Variants in MMP26 observed in about 807,000 individuals in gnomAD.
MMP26 encodes the protein matrix metalloproteinase-26.
A neutral mutation model predicts 31.0 loss-of-function variants in MMP26; 33 were observed. The ratio of observed to expected loss-of-function variants is 1.06; its 90% confidence interval spans 0.81 to 1.42. The LOEUF (loss-of-function observed/expected upper bound fraction) is 1.42, where lower values mean the gene tolerates loss of function less well. MMP26 is among the 40% of genes most tolerant of loss of function. The probability of loss-of-function intolerance (pLI) is 0.00; values close to 1 mark genes in which losing one functional copy is unlikely to be tolerated. For synonymous variants in MMP26, 122 were observed against 114.9 expected, an observed-to-expected ratio of 1.06 and a Z score of -0.40; for missense variants, 347 against 316.1, an observed-to-expected ratio of 1.10 and a Z score of -0.74.
intron 2 of MMP26, chr11:4,955,864 A>C (rs1846436128): frequency 1.6e-6 from 1 of 619,786 alleles, no homozygotes; most frequent in Non-Finnish European, 2.9e-6. Context: ...TTCTTTTGAG[A>C]GAACAAAGCA....
chr11:4,935,579 G>T (rs1589944180), intron 2 of MMP26, among the ~76,000 whole-genome samples: 1 of 151,952 alleles, frequency 6.6e-6, no homozygotes, highest in Admixed American at 6.6e-5. Context: ...TCCTTCTCCT[G>T]CCTAATTGCC....
intron 2 of MMP26, among the ~76,000 whole-genome samples, chr11:4,893,089 A>G (rs1462548484): frequency 6.6e-6 from 1 of 152,058 alleles, no homozygotes; most frequent in East Asian, 1.9e-4. Context: ...CCATTGTCAA[A>G]GTCATGTTTA....
intron 2 of MMP26, among the ~76,000 whole-genome samples, chr11:4,983,326 G>C (rs926848398): frequency 1.3e-5 from 2 of 152,052 alleles, no homozygotes; most frequent in Non-Finnish European, 2.9e-5. Context: ...CTATGGTATT[G>C]CGGTGAAAGC....
At position 4,974,003 on chromosome 11, in the gene MMP26, G is replaced by GTGTC. The variant is rs1846702244; in HGVS notation, c.-144-14064_-144-14063insGTCT. On this transcript the variant is annotated intron_variant, in intron 2 of 7. Coordinates refer to ENST00000380390, the MANE Select transcript of MMP26 (RefSeq NM_021801.5). Reference sequence around the variant, plus strand: ...ACTCATTGAGGTCTTACAACACCAGGTATATAGACATAATTCTTAGACACA... The same window carrying GTGTC: ...ACTCATTGAGGTCTTACAACACCAGGTGTCTATATAGACATAATTCTTAGACACA... The GTGTC allele has an allele frequency of 2.0e-5, 3 of 151,770 alleles. No individual in the cohort carries two copies. The South Asian group carries it at 6.2e-4, about 31-fold the overall frequency. 9.4% of individuals were successfully genotyped at this position (151,770 alleles called of 1,614,324 possible).
chr11:4,789,180 C>T (rs139262430), intron 2 of MMP26, among the ~76,000 whole-genome samples: 1 of 152,242 alleles, frequency 6.6e-6, no homozygotes, highest in Non-Finnish European at 1.5e-5. Flanking sequence ...ATATATGTAA[C>T]TGAGGTTAGA....
intron 2 of MMP26, chr11:4,787,380 CG>C (rs1848962489): frequency 6.6e-6 from 1 of 152,222 alleles, no homozygotes; most frequent in Non-Finnish European, 1.5e-5. Flanking sequence ...TTCTGGTCAC[CG>C]GGGTTGGTAC....
At chr11:4,944,310 C>T (rs941306123) in intron 2 of MMP26, 4 of 174,594 alleles carry the variant, frequency 2.3e-5, no homozygotes, top group African/African-American at 9.6e-5. Flanking sequence ...TTTTGACTTC[C>T]TCTCTGTGTG....
intron 2 of MMP26, among the ~76,000 whole-genome samples, chr11:4,977,275 TG>T (rs570422759): frequency 1.7e-3 from 265 of 152,176 alleles, no homozygotes; most frequent in Middle Eastern, 0.01. Flanking sequence ...AAAAAGGAAA[TG>T]GAACTAGTGG....
At chr11:4,724,315 C>G (rs533861655) in intron 1 of MMP26, 1 of 310,202 alleles carries the variant, frequency 3.2e-6, no homozygotes, top group East Asian at 4.9e-5. Context: ...CTCTTCAGGG[C>G]CTGAAAACAG....
chr11:4,843,057 C>T (rs572074713), intron 2 of MMP26, among the ~76,000 whole-genome samples: 5 of 152,306 alleles, frequency 3.3e-5, no homozygotes, highest in East Asian at 3.9e-4. Context: ...TGATGCAAGG[C>T]GTGGCCTCTC....
chr11:4,837,374 T>C (rs1212303125), intron 2 of MMP26, among the ~76,000 whole-genome samples: 1 of 152,134 alleles, frequency 6.6e-6, no homozygotes, highest in African/African-American at 2.4e-5. Flanking sequence ...TGAATGCCTA[T>C]TTATTTTTTA....
chr11:4,987,797 T>C (rs1423004287), intron 2 of MMP26, among the ~76,000 whole-genome samples: 1 of 152,176 alleles, frequency 6.6e-6, no homozygotes, highest in Non-Finnish European at 1.5e-5. Context: ...TATTCTTTTT[T>C]CTCTTTTTAG....
At chr11:4,812,501 G>A (rs975826560) in intron 2 of MMP26, among the ~76,000 whole-genome samples, 4 of 152,018 alleles carry the variant, frequency 2.6e-5, no homozygotes, top group Admixed American at 2.0e-4. Flanking sequence ...TGATTCAAGG[G>A]GAAAAGTAGG....
intron 1 of MMP26, among the ~76,000 whole-genome samples, chr11:4,713,799 G>T (rs1043978704): frequency 6.6e-6 from 1 of 151,978 alleles, no homozygotes; most frequent in African/African-American, 2.4e-5. Context: ...CGATCTGGTG[G>T]GTTTTTTTGG....
chr11:4,743,535 T>C (rs558755042), intron 1 of MMP26, among the ~76,000 whole-genome samples: 1 of 152,214 alleles, frequency 6.6e-6, no homozygotes, highest in African/African-American at 2.4e-5. Context: ...CAGCCTGGCA[T>C]GAATGTCCTA....
At chr11:4,903,841 T>C (rs1455171461) in intron 2 of MMP26, 2 of 152,092 alleles carry the variant, frequency 1.3e-5, no homozygotes, top group Non-Finnish European at 2.9e-5. Flanking sequence ...AACCTAAATC[T>C]AAGGTTTGTT....
At chr11:4,873,009 T>C (rs936638378) in intron 2 of MMP26, among the ~76,000 whole-genome samples, 1 of 152,154 alleles carries the variant, frequency 6.6e-6, no homozygotes, top group Non-Finnish European at 1.5e-5. Context: ...TGTTCTTTGC[T>C]AAAGGGTCTT....
At chr11:4,887,980 A>T (rs947056449) in intron 2 of MMP26, among the ~76,000 whole-genome samples, 1 of 152,084 alleles carries the variant, frequency 6.6e-6, no homozygotes, top group African/African-American at 2.4e-5. Context: ...AGGATCAACT[A>T]TCAGACAATA....
chr11:4,947,158 A>T, intron 2 of MMP26: 1 of 1,034,584 alleles, frequency 9.7e-7, no homozygotes, highest in Non-Finnish European at 1.4e-6. Context: ...GTAAAATAGG[A>T]ATATCTGTAA....
Sources: gnomAD v4.1 joint callset for allele counts (sites outside exome capture counted in the v4.1 genomes callset) on GRCh38, gnomAD v4.1.1 for gene constraint, MANE v1.5 for transcripts, NCBI Gene and HGNC (gene_info 2026-07-23, HGNC 2026-07-21) for gene names.